The following RYR1 variants were observed in gnomAD, a reference collection of about 807,000 sequenced individuals.
RYR1 encodes ryanodine receptor 1, also known as central core disease of muscle.
RYR1 carries 342 observed loss-of-function variants against 583.5 expected under a neutral mutation model. That is an observed-to-expected ratio of 0.59 (90% CI 0.54 to 0.64). RYR1 has a LOEUF of 0.64. Among genes scored for constraint, RYR1 ranks in the 30% least tolerant of loss-of-function variants. RYR1 has a pLI of 0.00. For synonymous variants in RYR1, 2,791 were observed against 2,822.5 expected (o/e 0.99, Z 0.35); for missense variants, 6,032 against 6,917.2 (o/e 0.87, Z 4.54).
rs1971302915 is a variant in RYR1, at chr19:38,523,225, G to A, written c.10356G>A (p.Lys3452=). The change falls in exon 69 of 106, where the codon AAG becomes AAA. Residue 3452 remains lysine (K), a synonymous_variant. Transcript: ENST00000359596. ...ACTGCTTCCCCCACCAGAACTTCAA[G>A]CGCGAGGAGCAGAACTTTGTGGTCC... ...FIYWSKSHNF[K]REEQNFVVQN... The A allele has an allele frequency of 6.2e-7, 1 of 1,614,038 alleles. No homozygotes were observed. Among genetic ancestry groups the A allele is most frequent in the Non-Finnish European group, 8.5e-7 (1 of 1,180,036 alleles).
rs1236035674 is a variant in RYR1 at position 38,565,292 on chromosome 19, C to G, written c.12958C>G (p.Leu4320Val). 1.3e-5 allele frequency: 13 copies of G among 1,030,182 alleles called. No individual in the cohort carries two copies. The highest frequency in any genetic ancestry group is 1.5e-5 in the Non-Finnish European group (13 of 860,630). 63.8% of individuals were successfully genotyped at this position (1,030,182 alleles called of 1,614,324 possible). A position where few individuals can be genotyped will look rare whatever the true frequency, so the allele number is the denominator to read the frequency against. Residue 4320 changes from leucine to valine, a missense_variant, in exon 91 of 106, where the codon CTG (leucine) becomes GTG (valine). Leu to Val is a conservative substitution (Grantham distance 32, BLOSUM62 1). Transcript: ENST00000359596. This position sits in a 1 kb window ranked among gnomAD's most constrained non-coding sequence, Gnocchi z 4.7. ...CAGCCTGCGGCGGCGCGTGCGGCGG[C>G]TGCGGCGGCTTACGGCCCGCGAGGC... ...YRSLRRRVRR[L>V]RRLTAREAAT...
chr19:38,459,061 G>T lies in RYR1; in HGVS notation c.2168-85G>T, dbSNP rs138489049. 1.4e-4 allele frequency: 170 copies of T among 1,202,982 alleles called. No individual in the cohort carries two copies. The African/African-American group carries it at 2.1e-3, about 15-fold the overall frequency. 74.5% of individuals were successfully genotyped at this position (1,202,982 alleles called of 1,614,324 possible). A position where few individuals can be genotyped will look rare whatever the true frequency, so the allele number is the denominator to read the frequency against. On this transcript the variant is annotated intron_variant, in intron 18 of 105. Coordinates refer to ENST00000359596, the MANE Select transcript of RYR1 (RefSeq NM_000540.3). The stretch of plus-strand genomic sequence containing the variant: ...TTTCCAGGATGCAATCTCCACAGGA[G>T]CCTCCAATATCTGTCCCTTTTCTCT...
chr19:38,455,872 C>A, intron 16 of RYR1, 121 bp downstream of exon 16: 1 of 726,884 alleles, frequency 1.4e-6, no homozygotes, highest in Non-Finnish European at 2.5e-6. Context: ...ACCTGTACGC[C>A]ACTCCCACTG....
At chr19:38,491,391 C>T (rs1969543448) in intron 37 of RYR1, among the ~76,000 whole-genome samples, 1 of 150,798 alleles carries the variant, frequency 6.6e-6, no homozygotes, top group Non-Finnish European at 1.5e-5. Flanking sequence ...TATTGGTACA[C>T]TTGATGGCAT....
rs768939660 is a variant in RYR1, at chr19:38,517,579, AC to A, written c.9909del (p.Cys3304AlafsTer17). On this transcript the variant is annotated frameshift_variant, in exon 66 of 106. Coordinates refer to ENST00000359596, the MANE Select transcript of RYR1 (RefSeq NM_000540.3). LOFTEE classifies it high-confidence loss of function. ...CCGCCCTGCCCGCCGGCGCCCCCCC[AC>A]CCTGCACAGCTGTCACCTCTGACCA... ...PSALPAGAPPPCTAVTSDHLN... is the reference protein window; with the variant it reads ...PSALPAGAPPXCTAVTSDHLN... 3.1e-6 allele frequency: 5 copies of A among 1,599,556 alleles called. No individual in the cohort carries two copies. The highest frequency in any genetic ancestry group is 4.3e-6 in the Non-Finnish European group (5 of 1,167,206).
At chr19:38,530,588 A>G (rs940753311) in intron 76 of RYR1, among the ~76,000 whole-genome samples, 1 of 151,720 alleles carries the variant, frequency 6.6e-6, no homozygotes, top group South Asian at 2.1e-4. Flanking sequence ...TTTTTCTTAC[A>G]TAACGTGAAG....
At position 38,459,323 on chromosome 19, in the gene RYR1, T is replaced by A. The variant is rs1241705328; in HGVS notation, c.2345T>A (p.Phe782Tyr). The change falls in exon 19 of 106, where the codon TTC becomes TAC. Residue 782 changes from phenylalanine (F) to tyrosine (Y), a missense_variant. Coordinates refer to ENST00000359596, the MANE Select transcript of RYR1 (RefSeq NM_000540.3). ...GGGCTCTTCTTCCCTGTTGTCAGCTTCTCGGCTGGTGTCAAGTGAGAACTT... is the reference window on the plus strand; with the variant it reads ...GGGCTCTTCTTCCCTGTTGTCAGCTACTCGGCTGGTGTCAAGTGAGAACTT... The part of the protein sequence containing the change: ...LDGLFFPVVS[F>Y]SAGVKVRFLL... 6.2e-7 allele frequency: 1 copy of A among 1,614,076 alleles called. No homozygotes were observed. Among genetic ancestry groups the A allele is most frequent in the Admixed American group, 1.7e-5 (1 of 60,016 alleles).
intron 42 of RYR1, among the ~76,000 whole-genome samples, chr19:38,497,908 G>A (rs1418848405): frequency 7.9e-5 from 12 of 152,050 alleles, no homozygotes; most frequent in Admixed American, 7.9e-4. Context: ...CTGCGAGGCT[G>A]AGGCTGCAGT....
chr19:38,523,685 C>G (rs1971327205), intron 69 of RYR1: 2 of 624,582 alleles, frequency 3.2e-6, no homozygotes, highest in Non-Finnish European at 5.8e-6. Flanking sequence ...CTTTCTTCCT[C>G]TCCCCATTAC....
rs746611627 is a variant in RYR1, at chr19:38,527,728, G to A, written c.10768G>A (p.Glu3590Lys). Residue 3590 changes from glutamate to lysine, a missense_variant, in exon 73 of 106, where the codon GAG becomes AAG. Physicochemically the swap from Glu to Lys is moderately conservative, Grantham distance 56. Coordinates refer to ENST00000359596, the MANE Select transcript of RYR1 (RefSeq NM_000540.3). ...TCGCGAGGAGGACGCCGATGACCCC[G>A]AGAAAATCGTGCGCAGAGTCCAGGA... is the stretch of plus-strand genomic sequence containing the variant. ...PGREEDADDP[E>K]KIVRRVQEVS... is the part of the protein sequence containing the mutation. The A allele has an allele frequency of 1.9e-5, 30 of 1,614,016 alleles. No homozygotes were observed. In the East Asian group the frequency reaches 5.8e-4, roughly 31 times the overall value.
At chr19:38,476,872 G>A (rs1338461666) in intron 29 of RYR1, among the ~76,000 whole-genome samples, 3 of 152,044 alleles carry the variant, frequency 2.0e-5, no homozygotes, top group Non-Finnish European at 4.4e-5. Flanking sequence ...GTTAATCTGT[G>A]TAGACCTTAG....
At chr19:38,478,912 C>T (rs1030756028) in intron 31 of RYR1, among the ~76,000 whole-genome samples, 3 of 152,120 alleles carry the variant, frequency 2.0e-5, no homozygotes, top group African/African-American at 4.8e-5. Flanking sequence ...GGATTACAGG[C>T]GAGCACCACA....
chr19:38,575,675 C>T (rs1973925121), intron 96 of RYR1, among the ~76,000 whole-genome samples: 2 of 152,134 alleles, frequency 1.3e-5, no homozygotes, highest in Middle Eastern at 3.4e-3. Flanking sequence ...TGGTGGTGGG[C>T]GCCTGTAATC....
At chr19:38,558,173 G>A (rs748342388) in intron 89 of RYR1, among the ~76,000 whole-genome samples, 1 of 151,574 alleles carries the variant, frequency 6.6e-6, no homozygotes, top group Non-Finnish European at 1.5e-5. Context: ...AATTAGCTGG[G>A]TATGGTGGTG....
In RYR1 at chr19:38,532,660, C is replaced by T. The variant is rs1159841645; in HGVS notation, c.11194-11C>T. The T allele has an allele frequency of 1.2e-6, 2 of 1,614,080 alleles. No homozygotes were observed. The highest frequency in any genetic ancestry group is 1.7e-6 in the Non-Finnish European group (2 of 1,180,012). ...GCTTTGTTCATCCCTTAACTGATGC[C>T]CCCTCCCCAGAGCTGCCACCTGGAG... On this transcript the variant is annotated splice_polypyrimidine_tract_variant and intron_variant, in intron 77 of 105. Coordinates refer to ENST00000359596, the MANE Select transcript of RYR1 (RefSeq NM_000540.3).
chr19:38,580,417 C>G lies in RYR1; in HGVS notation c.14559C>G (p.Thr4853=), dbSNP rs570469685. Residue 4853 remains threonine (T), a synonymous_variant, in exon 101 of 106, where the codon ACC becomes ACG. Coordinates refer to ENST00000359596, the MANE Select transcript of RYR1 (RefSeq NM_000540.3). ...TGGCGGTGGTCGTCTACCTGTACAC[C>G]GTGGTGGCCTTCAACTTCTTCCGCA... The part of the protein sequence containing the change: ...GLLAVVVYLY[T]VVAFNFFRKF... 3.1e-6 allele frequency: 5 copies of G among 1,613,954 alleles called. No homozygotes were observed. In the East Asian group the frequency reaches 6.7e-5, roughly 22 times the overall value.
rs1169294876 is a variant in RYR1, at chr19:38,486,119, G to A, written c.5464G>A (p.Gly1822Ser). ...LRMLGEAVRDGGQHARDPVGG... is the reference protein window; with the variant it reads ...LRMLGEAVRDSGQHARDPVGG... Reference sequence around the variant, plus strand: ...GATGCTGGGGGAGGCGGTGCGCGACGGTGGGCAGCACGCTCGCGACCCCGT... The same window carrying A: ...GATGCTGGGGGAGGCGGTGCGCGACAGTGGGCAGCACGCTCGCGACCCCGT... Residue 1822 changes from glycine (G) to serine (S), a missense_variant, in exon 34 of 106, where the codon GGT becomes AGT. Physicochemically the swap from Gly to Ser is moderately conservative, Grantham distance 56. Around this residue, in one of 11 missense-constraint regions of RYR1, gnomAD observed 2,627 missense variants for 2,961.3 expected, o/e 0.89. Coordinates refer to ENST00000359596, the MANE Select transcript of RYR1 (RefSeq NM_000540.3). The A allele has an allele frequency of 1.9e-6, 3 of 1,613,144 alleles. No individual in the cohort carries two copies. Among genetic ancestry groups the A allele is most frequent in the Non-Finnish European group, 2.5e-6 (3 of 1,179,812 alleles).
intron 89 of RYR1, among the ~76,000 whole-genome samples, chr19:38,550,866 A>G (rs961364821): frequency 2.6e-5 from 4 of 151,988 alleles, no homozygotes; most frequent in Non-Finnish European, 4.4e-5. Context: ...GCCTGAAACA[A>G]TTATTCCTCT....
At chr19:38,523,876 G>GTAAC in intron 69 of RYR1, 39 bp from the exon 70 acceptor site, 7 of 1,613,986 alleles carry the variant, frequency 4.3e-6, no homozygotes, top group Non-Finnish European at 5.1e-6. Context: ...CGGGGCTGGG[G>GTAAC]TAACCCTTCT....
Sources: allele counts gnomAD v4.1 joint callset (sites outside exome capture counted in the v4.1 genomes callset), GRCh38; gene constraint gnomAD v4.1.1; regional missense constraint gnomAD v4.1.1; non-coding constraint Gnocchi (gnomAD v3.1); transcripts MANE v1.5; gene names NCBI Gene and HGNC (gene_info 2026-07-23, HGNC 2026-07-21).